Variants in CELF2 observed in about 807,000 individuals in gnomAD.
CELF2 encodes the protein CUG triplet repeat RNA-binding protein 2.
A neutral mutation model predicts 62.6 loss-of-function variants in CELF2; 8 were observed. The observed-to-expected ratio is 0.13, with a 90% CI of 0.07 to 0.23. CELF2 has a LOEUF of 0.23. CELF2 is among the 10% of genes least tolerant of loss of function. The pLI is 1.00. For missense variants in CELF2, 333 were observed against 671.0 expected (o/e 0.50, Z 5.56); for synonymous variants, 258 against 250.0 (o/e 1.03, Z -0.30).
intron 1 of CELF2, among the ~76,000 whole-genome samples, chr10:11,040,004 A>C (rs1205713273): frequency 6.6e-6 from 1 of 152,190 alleles, no homozygotes; most frequent in African/African-American, 2.4e-5. Flanking sequence ...TGATTTTTTA[A>C]TTGAGACTTC....
chr10:11,283,931 T>G (rs2090024106), intron 8 of CELF2, among the ~76,000 whole-genome samples: 4 of 136,926 alleles, frequency 2.9e-5, no homozygotes, highest in Non-Finnish European at 3.1e-5. Context: ...GATGGATGAG[T>G]GTGTGGTGGG....
chr10:11,249,130 C>T, intron 3 of CELF2, 23 bp from the exon 4 acceptor site: 1 of 1,606,140 alleles, frequency 6.2e-7, no homozygotes, highest in Non-Finnish European at 8.5e-7. Context: ...TCTGCCTTTA[C>T]TTTCTCCCTT....
intron 1 of CELF2, among the ~76,000 whole-genome samples, chr10:11,095,984 T>C (rs565753564): frequency 5.8e-4 from 88 of 152,244 alleles, no homozygotes; most frequent in Non-Finnish European, 9.7e-4. Flanking sequence ...CATGAAAGTA[T>C]GTCTGGACAC....
At chr10:11,048,346 T>A (rs550159055) in intron 1 of CELF2, among the ~76,000 whole-genome samples, 1 of 152,352 alleles carries the variant, frequency 6.6e-6, no homozygotes, top group Non-Finnish European at 1.5e-5. Context: ...GTGAACAGAA[T>A]ATGCATTTTT....
chr10:10,695,627 A>G, the CELF2 span, among the ~76,000 whole-genome samples: 42 of 152,068 alleles, frequency 2.8e-4, no homozygotes, highest in African/African-American at 5.5e-4. Context: ...CATTCTCCCA[A>G]TCACTTTCAG....
At chr10:11,189,423 T>C (rs1201666902) in intron 2 of CELF2, among the ~76,000 whole-genome samples, 1 of 152,222 alleles carries the variant, frequency 6.6e-6, no homozygotes, top group Non-Finnish European at 1.5e-5. Flanking sequence ...TTAATTGGAG[T>C]GTTTAGATAA....
chr10:11,034,242 A>G (rs1298666960), intron 1 of CELF2, among the ~76,000 whole-genome samples: 1 of 152,242 alleles, frequency 6.6e-6, no homozygotes, highest in African/African-American at 2.4e-5. Flanking sequence ...TGTTGGATTA[A>G]TAAGGAATTT....
At chr10:10,474,863 G>A in the CELF2 span, among the ~76,000 whole-genome samples, 1 of 152,078 alleles carries the variant, frequency 6.6e-6, no homozygotes, top group Non-Finnish European at 1.5e-5. Flanking sequence ...ATGAGGTCAG[G>A]ACTAAGACAT....
At chr10:10,915,176 T>G (rs2064211901) in intron 1 of CELF2, among the ~76,000 whole-genome samples, 1 of 151,828 alleles carries the variant, frequency 6.6e-6, no homozygotes, top group Non-Finnish European at 1.5e-5. Context: ...GCTTTTCACT[T>G]GAAATCAGAT....
chr10:11,091,578 T>C (rs1040719256), intron 1 of CELF2, among the ~76,000 whole-genome samples: 4 of 152,230 alleles, frequency 2.6e-5, no homozygotes, highest in Admixed American at 2.6e-4. Flanking sequence ...TGCAGCCTTC[T>C]GCAGTCAAAC....
the CELF2 span, among the ~76,000 whole-genome samples, chr10:10,582,101 C>G: frequency 6.6e-6 from 1 of 152,154 alleles, no homozygotes; most frequent in African/African-American, 2.4e-5. Flanking sequence ...TGTCCTTGTT[C>G]CTGTGAAAAT....
At chr10:10,567,090 T>C in the CELF2 span, among the ~76,000 whole-genome samples, 13 of 152,292 alleles carry the variant, frequency 8.5e-5, no homozygotes, top group African/African-American at 3.1e-4. Context: ...GAAAAGACAG[T>C]CTGAATAAAA....
intron 1 of CELF2, among the ~76,000 whole-genome samples, chr10:11,112,308 T>A (rs532443182): frequency 2.0e-5 from 3 of 152,240 alleles, no homozygotes; most frequent in African/African-American, 7.2e-5. Context: ...GAAAGCACCA[T>A]CAAGATCGCA....
At chr10:11,113,141 A>AG (rs2055650073) in intron 1 of CELF2, among the ~76,000 whole-genome samples, 1 of 152,256 alleles carries the variant, frequency 6.6e-6, no homozygotes, top group Non-Finnish European at 1.5e-5. Flanking sequence ...GAGTGAATCA[A>AG]TATCTTCTTA....
chr10:10,883,430 A>T (rs2061557468), intron 1 of CELF2, among the ~76,000 whole-genome samples: 2 of 152,222 alleles, frequency 1.3e-5, no homozygotes, highest in African/African-American at 2.4e-5. Context: ...GTCATGCTGC[A>T]ATCCAATGGC....
intron 1 of CELF2, among the ~76,000 whole-genome samples, chr10:10,825,302 C>T (rs535340904): frequency 1.8e-4 from 27 of 152,312 alleles, no homozygotes; most frequent in African/African-American, 6.5e-4. Flanking sequence ...CTCCGCCTCC[C>T]AGGTTCACAC....
At chr10:11,044,322 A>G (rs2062417440) in intron 1 of CELF2, among the ~76,000 whole-genome samples, 1 of 152,172 alleles carries the variant, frequency 6.6e-6, no homozygotes, top group African/African-American at 2.4e-5. Flanking sequence ...CATAGCCTGG[A>G]TCGGTTCTTA....
the CELF2 span, among the ~76,000 whole-genome samples, chr10:10,597,110 C>T: frequency 1.3e-5 from 2 of 152,232 alleles, no homozygotes; most frequent in African/African-American, 2.4e-5. Context: ...AATAAAACTC[C>T]ATCCTCCCAA....
Position 11,129,123 on chromosome 10 carries a change from C to T in CELF2, c.75-36363C>T, listed in dbSNP as rs143666184. Among the ~76,000 whole-genome samples, 539 of 152,280 alleles carry T rather than the reference C, an allele frequency of 3.5e-3. 1 individual carries two copies. The highest frequency in any genetic ancestry group is 5.5e-3 in the Non-Finnish European group (373 of 68,012). ...ATTTTGTCAAAGGCCTATTCTGCAT[C>T]TATTGAGATAATCATGTGGTTTTTG... is the stretch of plus-strand genomic sequence containing the variant. On this transcript the variant is annotated intron_variant, in intron 1 of 12. Coordinates refer to ENST00000633077, the MANE Select transcript of CELF2 (RefSeq NM_001326342.2).
Sources: gnomAD v4.1 joint callset for allele counts (sites outside exome capture counted in the v4.1 genomes callset) on GRCh38, gnomAD v4.1.1 for gene constraint, MANE v1.5 for transcripts, NCBI Gene and HGNC (gene_info 2026-07-23, HGNC 2026-07-21) for gene names.